Variants in ARHGEF9 observed in about 807,000 individuals in gnomAD.
ARHGEF9 encodes rho guanine nucleotide exchange factor 9.
In ARHGEF9, 2 loss-of-function variants were observed where a neutral mutation model predicts 41.3. The ratio of observed to expected loss-of-function variants is 0.05; its 90% CI spans 0.02 to 0.15. The LOEUF (loss-of-function observed/expected upper bound fraction) is 0.15. Among genes scored for constraint, ARHGEF9 ranks in the 10% least tolerant of loss-of-function variants. The probability of loss-of-function intolerance (pLI) is 1.00; values close to 1 mark genes in which losing one functional copy is unlikely to be tolerated. For missense variants in ARHGEF9, 225 were observed against 424.7 expected, an observed-to-expected ratio of 0.53 and a Z score of 4.13; for synonymous variants, 160 against 154.4, an observed-to-expected ratio of 1.04 and a Z score of -0.27.
chrX:63,659,869 A>C (rs2049105827), intron 7 of ARHGEF9, among the ~76,000 whole-genome samples: 1 of 111,950 alleles, frequency 8.9e-6, no homozygotes, highest in Admixed American at 9.5e-5. Context: ...TTATAACCCC[A>C]TCTGATGAGG....
chrX:63,685,608 C>A (rs2050934711), intron 4 of ARHGEF9, among the ~76,000 whole-genome samples: 1 of 111,992 alleles, frequency 8.9e-6, no homozygotes, highest in Admixed American at 9.5e-5. Flanking sequence ...GTTACTATTA[C>A]AAGAATAGTC....
At chrX:63,660,017 T>C (rs1314961400) in intron 7 of ARHGEF9, among the ~76,000 whole-genome samples, 5 of 111,766 alleles carry the variant, frequency 4.5e-5, no homozygotes, top group Non-Finnish European at 9.4e-5. Flanking sequence ...GAACTACCTT[T>C]TGACCCAGCA....
At chrX:63,715,127 C>T (rs1213380552) in intron 2 of ARHGEF9, among the ~76,000 whole-genome samples, 1 of 111,907 alleles carries the variant, frequency 8.9e-6, no homozygotes, top group Non-Finnish European at 1.9e-5. Flanking sequence ...CTACACTCCA[C>T]TCTACCCCTA....
chrX:63,658,090 T>C (rs1392364593), intron 7 of ARHGEF9: 1 of 112,061 alleles, frequency 8.9e-6, no homozygotes, highest in Non-Finnish European at 1.9e-5. Flanking sequence ...AGAAAGAATA[T>C]GCATGATCTT....
chrX:63,751,717 C>A (rs2055642998), intron 1 of ARHGEF9, among the ~76,000 whole-genome samples: 1 of 111,802 alleles, frequency 8.9e-6, no homozygotes, highest in African/African-American at 3.3e-5. Context: ...CCCATCCATC[C>A]CAGCATTTGT....
In ARHGEF9 at chrX:63,724,869, C is replaced by T. The variant is rs1207580400; in HGVS notation, c.31-158G>A. 4 of 506,532 alleles carry T rather than the reference C, an allele frequency of 7.9e-6. No individual in the cohort carries two copies. In the East Asian group the frequency reaches 1.1e-4, roughly 14 times the overall value. The allele number at this position is 506,532 out of a possible 1,213,427, so 41.7% of individuals were successfully genotyped here. A position where few individuals can be genotyped will look rare whatever the true frequency, so the allele number is the denominator to read the frequency against. ...GCACTGGAACAAAAGTTCCATTAGA[C>T]CGCAAGACAAACAATACTGTCAACT... is the stretch of plus-strand genomic sequence containing the variant. On this transcript the variant is annotated intron_variant, in intron 1 of 9. Coordinates refer to ENST00000671741, the MANE Select transcript of ARHGEF9 (RefSeq NM_001353921.2).
chrX:63,665,773 T>G, intron 7 of ARHGEF9, 113 bp downstream of exon 7: 3 of 974,941 alleles, frequency 3.1e-6, no homozygotes, highest in Non-Finnish European at 4.3e-6. Context: ...TCCTGTCTGT[T>G]TTCCCCCCAT....
At position 63,635,510 on chromosome X, in the gene ARHGEF9, C is replaced by A; in HGVS notation, c.*2518G>T. ...TACTGAACCCAGGTATTTAATTGGG[C>A]TCCCCTTGGGGCTGTTGGCCACTGG... On this transcript the variant is annotated 3_prime_UTR_variant, in exon 10 of 10. Transcript: ENST00000671741. 1 of 494,769 alleles carries A rather than the reference C, an allele frequency of 2.0e-6. No homozygotes were observed. The highest frequency in any genetic ancestry group is 3.3e-5 in the Admixed American group (1 of 30,140). The allele number at this position is 494,769 out of a possible 1,213,427, so 40.8% of individuals were successfully genotyped here.
intron 2 of ARHGEF9, among the ~76,000 whole-genome samples, chrX:63,707,128 T>A (rs2052594011): frequency 9.0e-6 from 1 of 111,298 alleles, no homozygotes. Flanking sequence ...AAGTAATCTA[T>A]CCCAAGTCGC....
chrX:63,745,622 T>A (rs1556432684), intron 1 of ARHGEF9, among the ~76,000 whole-genome samples: 1 of 111,267 alleles, frequency 9.0e-6, no homozygotes, highest in East Asian at 2.8e-4. Context: ...CTTGGACCCA[T>A]CCCTTTCCCC....
rs782401617 is a variant in ARHGEF9 at position 63,697,239 on chromosome X, A to G, written c.468T>C (p.Phe156=). ...MFSDEQLKVI[F]GNIEDIYRFQ... is the part of the protein sequence containing the mutation. Reference sequence around the variant, plus strand: ...ATCTGTAGATATCTTCAATGTTCCCAAAGATTACCTTCAGTTGCTCGTCAC... The same window carrying G: ...ATCTGTAGATATCTTCAATGTTCCCGAAGATTACCTTCAGTTGCTCGTCAC... The change falls in exon 4 of 10, where the codon TTT becomes TTC. Residue 156 remains phenylalanine, a synonymous_variant. Transcript: ENST00000671741. The G allele has an allele frequency of 8.3e-7, 1 of 1,210,817 alleles. No individual in the cohort carries two copies. Among genetic ancestry groups the G allele is most frequent in the East Asian group, 3.0e-5 (1 of 33,783 alleles).
At chrX:63,648,641 A>G (rs1404129218) in intron 8 of ARHGEF9, among the ~76,000 whole-genome samples, 1 of 111,640 alleles carries the variant, frequency 9.0e-6, no homozygotes, top group Non-Finnish European at 1.9e-5. Context: ...CTCCAACTAA[A>G]AGACACAGAC....
chrX:63,763,117 C>T (rs1423675277), intron 1 of ARHGEF9, among the ~76,000 whole-genome samples: 4 of 111,245 alleles, frequency 3.6e-5, no homozygotes, highest in Admixed American at 9.6e-5. Context: ...AAAAGTTACA[C>T]GTTGATTTTC....
chrX:63,740,262 G>A (rs2054872657), intron 1 of ARHGEF9, among the ~76,000 whole-genome samples: 1 of 111,920 alleles, frequency 8.9e-6, no homozygotes, highest in South Asian at 3.7e-4. Flanking sequence ...ATCTGTATAT[G>A]TGGGGGTAAT....
chrX:63,749,782 T>C (rs1361759973), intron 1 of ARHGEF9, among the ~76,000 whole-genome samples: 1 of 112,495 alleles, frequency 8.9e-6, no homozygotes, highest in African/African-American at 3.2e-5. Context: ...AGTATTGTCA[T>C]TACTGGACTG....
At chrX:63,661,426 T>C (rs1380203662) in intron 7 of ARHGEF9, among the ~76,000 whole-genome samples, 1 of 111,787 alleles carries the variant, frequency 8.9e-6, no homozygotes, top group Admixed American at 9.6e-5. Context: ...TCTGCTCCTT[T>C]CCACAGTAAA....
chrX:63,779,011 A>C (rs1378475281), intron 1 of ARHGEF9, among the ~76,000 whole-genome samples: 3 of 111,976 alleles, frequency 2.7e-5, no homozygotes, highest in Non-Finnish European at 5.6e-5. Context: ...GATAATACTG[A>C]GAATAAAGTA....
intron 9 of ARHGEF9, chrX:63,641,077 C>T (rs782813711): frequency 5.4e-5 from 6 of 110,988 alleles, no homozygotes; most frequent in Non-Finnish European, 9.4e-5. Flanking sequence ...TGAAGCTGGG[C>T]GCAGTGGCTC....
intron 3 of ARHGEF9, among the ~76,000 whole-genome samples, chrX:63,699,897 A>G (rs1415408969): frequency 8.9e-6 from 1 of 112,328 alleles, no homozygotes; most frequent in African/African-American, 3.2e-5. Flanking sequence ...ACACATATGG[A>G]CAGATTTGAA....
Sources: gnomAD v4.1 joint callset for allele counts (sites outside exome capture counted in the v4.1 genomes callset) on GRCh38, gnomAD v4.1.1 for gene constraint, MANE v1.5 for transcripts, NCBI Gene and HGNC (gene_info 2026-07-23, HGNC 2026-07-21) for gene names.